Variants in MTCL1 observed in about 807,000 individuals in gnomAD.
MTCL1 encodes the protein microtubule crosslinking factor 1.
Under a neutral mutation model 141.4 loss-of-function variants are expected in MTCL1, and 79 were observed. The ratio of observed to expected loss-of-function variants is 0.56; its 90% CI spans 0.47 to 0.67. MTCL1 has a LOEUF of 0.67. MTCL1 is among the 30% of genes least tolerant of loss of function. The pLI, the probability that MTCL1 is intolerant of heterozygous loss-of-function variation, is 0.00. For missense variants in MTCL1, 2,177 were observed against 2,113.9 expected (o/e 1.03, Z -0.59); for synonymous variants, 914 against 875.8 (o/e 1.04, Z -0.77).
At position 8,828,961 on chromosome 18, in the gene MTCL1, C is replaced by T. The variant is rs757908842; in HGVS notation, c.*15C>T. 1.1e-5 allele frequency: 17 copies of T among 1,614,120 alleles called. No individual in the cohort carries two copies. Among genetic ancestry groups the T allele is most frequent in the East Asian group, 4.5e-5 (2 of 44,904 alleles). On this transcript the variant is annotated 3_prime_UTR_variant, in exon 16 of 17. Transcript: ENST00000359865. This position sits in a 1 kb window ranked among gnomAD's most constrained non-coding sequence, Gnocchi z 5.2. ...GGGGACTCTAGCCCTGCCCGCCTCA[C>T]GCTGTAAGTGCTTCCTTCCTTGTTT... is the stretch of plus-strand genomic sequence containing the variant.
intron 4 of MTCL1, among the ~76,000 whole-genome samples, chr18:8,773,259 A>G (rs371165453): frequency 6.6e-6 from 1 of 152,148 alleles, no homozygotes; most frequent in Admixed American, 6.5e-5. Context: ...ACCCCCTGCC[A>G]TGCTGCGGGT....
chr18:8,746,080 C>G (rs1416540883), intron 4 of MTCL1, among the ~76,000 whole-genome samples: 1 of 152,204 alleles, frequency 6.6e-6, no homozygotes, highest in Non-Finnish European at 1.5e-5. Context: ...GAATTTCCAT[C>G]CCTTTTAAGG....
chr18:8,705,819 C>G lies in MTCL1; in HGVS notation c.159C>G (p.His53Gln), dbSNP rs2096056920. Reference sequence around the variant, plus strand: ...CCAGACCCTTCCTCAAGGACCTGCACGCCCGGCCCGCCGCGCCCGGCCCGG... The same window carrying G: ...CCAGACCCTTCCTCAAGGACCTGCAGGCCCGGCCCGCCGCGCCCGGCCCGG... The change falls in exon 1 of 14, where the codon CAC (histidine) becomes CAG (glutamine). Residue 53 changes from histidine (H) to glutamine (Q), a missense_variant. Coordinates refer to the MTCL1 transcript ENST00000306329. This position sits in a 1 kb window ranked among gnomAD's most constrained non-coding sequence, Gnocchi z 5.2. 2.5e-6 allele frequency: 3 copies of G among 1,182,940 alleles called. 1 individual carries two copies. In the South Asian group the frequency reaches 1.3e-4, roughly 49 times the overall value. 73.3% of individuals were successfully genotyped at this position (1,182,940 alleles called of 1,614,324 possible). A position where few individuals can be genotyped will look rare whatever the true frequency, so the allele number is the denominator to read the frequency against.
upstream of MTCL1, among the ~76,000 whole-genome samples, chr18:8,714,669 C>T (rs1567926058): frequency 2.0e-5 from 3 of 152,152 alleles, no homozygotes; most frequent in Non-Finnish European, 4.4e-5. Flanking sequence ...GAGAAACCCG[C>T]CCCCGTGATT....
rs577043709 is a variant in MTCL1, at chr18:8,792,115, G to A, written c.1888-883G>A. 3.3e-5 allele frequency among the ~76,000 whole-genome samples: 5 copies of A among 152,304 alleles called. No homozygotes were observed. The South Asian group carries it at 1.0e-3, about 32-fold the overall frequency. ...GGACTCAGAATGAACCAGTGAAACCGCACGTATTTTATTGCAACAATCTAC... is the reference window on the plus strand; with the variant it reads ...GGACTCAGAATGAACCAGTGAAACCACACGTATTTTATTGCAACAATCTAC... On this transcript the variant is annotated intron_variant, in intron 7 of 16. Coordinates refer to ENST00000359865, the Ensembl canonical transcript of MTCL1.
chr18:8,743,170 G>A (rs575961601), intron 4 of MTCL1, among the ~76,000 whole-genome samples: 4 of 152,320 alleles, frequency 2.6e-5, no homozygotes, highest in African/African-American at 9.6e-5. Context: ...ATAGTTTCCT[G>A]TTCCTTAGTA....
intron 4 of MTCL1, among the ~76,000 whole-genome samples, chr18:8,777,524 C>T (rs144712206): frequency 0.011 from 1,621 of 152,316 alleles, 10 homozygotes; most frequent in Non-Finnish European, 0.017. Context: ...CTTCTCTGCA[C>T]TGTTAAAGTT....
exon 17 of MTCL1, chr18:8,832,087 A>G (rs1248767572): frequency 1.2e-5 from 5 of 405,138 alleles, no homozygotes; most frequent in East Asian, 4.5e-5. Flanking sequence ...TAAATAAGGT[A>G]TAAATAGATT....
At chr18:8,781,578 T>C (rs537748589) in intron 5 of MTCL1, among the ~76,000 whole-genome samples, 11 of 152,272 alleles carry the variant, frequency 7.2e-5, no homozygotes, top group Non-Finnish European at 1.3e-4. Context: ...AATAAGAAAA[T>C]TAATTTCAGG....
intron 4 of MTCL1, among the ~76,000 whole-genome samples, chr18:8,747,664 C>T (rs909256903): frequency 2.0e-5 from 3 of 152,226 alleles, no homozygotes; most frequent in Non-Finnish European, 2.9e-5. Flanking sequence ...CCATATTCCC[C>T]AGCACTGGGG....
chr18:8,710,326 CACAG>C (rs66484056), intron 1 of MTCL1, among the ~76,000 whole-genome samples: 70,868 of 151,598 alleles, frequency 0.47, 17,245 homozygotes, highest in East Asian at 0.68. Flanking sequence ...TGTGTGAAAA[CACAG>C]ACAGAAAAGC....
intron 8 of MTCL1, among the ~76,000 whole-genome samples, 180 bp from the exon 8 acceptor site, chr18:8,796,052 A>T (rs1979945): frequency 6.6e-6 from 1 of 152,120 alleles, no homozygotes; most frequent in African/African-American, 2.4e-5. Context: ...AATACTCATG[A>T]GGTTTTGTAA....
upstream of MTCL1, chr18:8,705,619 C>T (rs576372160): frequency 4.1e-6 from 5 of 1,215,492 alleles, no homozygotes; most frequent in East Asian, 3.4e-5. The surrounding 1 kb of genome is among the most constrained non-coding windows in gnomAD (Gnocchi z 5.2). Flanking sequence ...CCGTCGTCGT[C>T]CGGAGCATCT....
chr18:8,741,396 G>T (rs774564834), intron 4 of MTCL1, among the ~76,000 whole-genome samples: 8 of 152,118 alleles, frequency 5.3e-5, no homozygotes, highest in Non-Finnish European at 1.0e-4. Flanking sequence ...GCTTATAATA[G>T]CAAGTACCTT....
At chr18:8,759,799 C>CG (rs1051861136) in intron 4 of MTCL1, among the ~76,000 whole-genome samples, 1 of 152,060 alleles carries the variant, frequency 6.6e-6, no homozygotes, top group African/African-American at 2.4e-5. Flanking sequence ...TCTGGGTCTG[C>CG]GGGGGGTCCC....
chr18:8,707,870 G>A (rs1330381763), intron 1 of MTCL1, among the ~76,000 whole-genome samples: 1 of 152,210 alleles, frequency 6.6e-6, no homozygotes, highest in East Asian at 1.9e-4. Context: ...CACATTAACT[G>A]CTGGGTGATC....
At chr18:8,825,123 A>G (rs770230441) in exon 15 of MTCL1, 3 of 1,593,970 alleles carry the variant, frequency 1.9e-6, no homozygotes, top group Non-Finnish European at 2.6e-6. Context: ...GGTCGACAGC[A>G]TCACGGCGGC....
intron 4 of MTCL1, among the ~76,000 whole-genome samples, chr18:8,722,901 AG>A (rs1390144808): frequency 6.6e-6 from 1 of 152,214 alleles, no homozygotes; most frequent in Non-Finnish European, 1.5e-5. Context: ...GGATTTGTGT[AG>A]GATTTGGCAT....
intron 4 of MTCL1, among the ~76,000 whole-genome samples, chr18:8,755,269 G>A (rs1345037738): frequency 1.3e-5 from 2 of 152,190 alleles, no homozygotes; most frequent in East Asian, 3.8e-4. Context: ...GTGCTATTTG[G>A]GATGTCGTTT....
Sources: gnomAD v4.1 joint callset for allele counts (sites outside exome capture counted in the v4.1 genomes callset) on GRCh38, gnomAD v4.1.1 for gene constraint, Gnocchi (gnomAD v3.1) non-coding constraint, MANE v1.5 for transcripts, NCBI Gene and HGNC (gene_info 2026-07-23, HGNC 2026-07-21) for gene names.